Variants in GRIA1 observed in about 807,000 individuals in gnomAD.
GRIA1 encodes glutamate receptor 1.
A neutral mutation model predicts 99.2 loss-of-function variants in GRIA1; 31 were observed. The ratio of observed to expected loss-of-function variants is 0.31; its 90% CI spans 0.23 to 0.42. The LOEUF (loss-of-function observed/expected upper bound fraction) is 0.42, where lower values mean the gene tolerates loss of function less well. Among genes scored for constraint, GRIA1 ranks in the 10% least tolerant of loss-of-function variants. The pLI, the probability that GRIA1 is intolerant of heterozygous loss-of-function variation, is 1.00. For missense variants in GRIA1, 782 were observed against 1,157.5 expected (o/e 0.68, Z 4.71); for synonymous variants, 438 against 432.4 (o/e 1.01, Z -0.16).
chr5:153,603,965 G>A (rs762019837), intron 2 of GRIA1, among the ~76,000 whole-genome samples: 2 of 152,086 alleles, frequency 1.3e-5, no homozygotes, highest in Admixed American at 1.3e-4. Flanking sequence ...ACATATACAT[G>A]TATTTTACAT....
intron 5 of GRIA1, among the ~76,000 whole-genome samples, chr5:153,664,968 A>G (rs1325143906): frequency 6.6e-6 from 1 of 152,204 alleles, no homozygotes; most frequent in African/African-American, 2.4e-5. Context: ...GGGTAGATGC[A>G]ATTGGTTTTA....
Position 153,764,596 on chromosome 5 carries a change from G to A in GRIA1, c.1986G>A (p.Gly662=), listed in dbSNP as rs1019277131. Residue 662 remains glycine, a synonymous_variant, in exon 12 of 16, where the codon GGG becomes GGA. Transcript: ENST00000285900. The part of the protein sequence containing the change: ...DLAKQTEIAY[G]TLEAGSTKEF... ...CGAAGCAGACAGAAATTGCCTACGG[G>A]ACGCTGGAAGCAGGATCTACTAAGG... 7 of 1,613,926 alleles carry A rather than the reference G, an allele frequency of 4.3e-6. No individual in the cohort carries two copies. In the Admixed American group the frequency reaches 8.3e-5, roughly 19 times the overall value.
At chr5:153,509,328 A>G (rs1755833258) in intron 2 of GRIA1, among the ~76,000 whole-genome samples, 1 of 152,192 alleles carries the variant, frequency 6.6e-6, no homozygotes, top group African/African-American at 2.4e-5. Context: ...AAAGTAAAGT[A>G]TGGGGTAAAG....
At chr5:153,772,886 A>G (rs969213519) in intron 13 of GRIA1, among the ~76,000 whole-genome samples, 2 of 152,196 alleles carry the variant, frequency 1.3e-5, no homozygotes, top group Non-Finnish European at 2.9e-5. Flanking sequence ...ACATAAATAC[A>G]TGGATGTGAA....
At chr5:153,757,071 CAG>C (rs2149597671) in intron 11 of GRIA1, among the ~76,000 whole-genome samples, 1 of 151,958 alleles carries the variant, frequency 6.6e-6, no homozygotes, top group East Asian at 1.9e-4. Flanking sequence ...TAAGAAAACA[CAG>C]AGAAAAAATT....
chr5:153,501,355 C>G (rs1485750593), intron 2 of GRIA1, among the ~76,000 whole-genome samples: 1 of 152,256 alleles, frequency 6.6e-6, no homozygotes. Flanking sequence ...GGCCATGATT[C>G]TATGAAAGCA....
chr5:153,803,958 G>A (rs1766230670), intron 15 of GRIA1, among the ~76,000 whole-genome samples: 1 of 152,124 alleles, frequency 6.6e-6, no homozygotes, highest in Non-Finnish European at 1.5e-5. Flanking sequence ...GGGGCCTTCT[G>A]TCCTGGCATT....
At position 153,812,783 on chromosome 5, in the gene GRIA1, A is replaced by AT. The variant is rs1766908199; in HGVS notation, c.*1559dup. On this transcript the variant is annotated 3_prime_UTR_variant, in exon 16 of 16. Transcript: ENST00000285900. ...TCCCTGACATATAGCTTTCTTGGAG[A>AT]TCCCAACTCTCATTCTTGGTGCAAC... The AT allele has an allele frequency of 1.3e-5, 2 of 152,192 alleles. No individual in the cohort carries two copies. Among genetic ancestry groups the AT allele is most frequent in the South Asian group, 4.1e-4 (2 of 4,824 alleles). The allele number at this position is 152,192 out of a possible 1,614,324, so 9.4% of individuals were successfully genotyped here. A position where few individuals can be genotyped will look rare whatever the true frequency, so the allele number is the denominator to read the frequency against.
At chr5:153,566,698 T>A (rs1220095416) in intron 2 of GRIA1, among the ~76,000 whole-genome samples, 1 of 149,290 alleles carries the variant, frequency 6.7e-6, no homozygotes, top group African/African-American at 2.4e-5. Context: ...TTATCAGATA[T>A]ACATTTGCAA....
intron 2 of GRIA1, among the ~76,000 whole-genome samples, chr5:153,622,266 G>C (rs925709094): frequency 6.6e-6 from 1 of 152,142 alleles, no homozygotes; most frequent in African/African-American, 2.4e-5. Context: ...GATTATCCTT[G>C]GAGAGACCTA....
intron 13 of GRIA1, among the ~76,000 whole-genome samples, chr5:153,788,073 C>T (rs1765080820): frequency 8.2e-6 from 1 of 122,406 alleles, no homozygotes; most frequent in Non-Finnish European, 1.7e-5. Context: ...GAGCAAGACT[C>T]CTTCTCAAAA....
At chr5:153,559,457 C>T (rs934399678) in intron 2 of GRIA1, among the ~76,000 whole-genome samples, 2 of 152,126 alleles carry the variant, frequency 1.3e-5, no homozygotes, top group Non-Finnish European at 2.9e-5. Flanking sequence ...TGCTTAAAAC[C>T]TTGACTAGCT....
intron 11 of GRIA1, among the ~76,000 whole-genome samples, chr5:153,748,120 C>T (rs1581589827): frequency 6.6e-6 from 1 of 152,012 alleles, no homozygotes; most frequent in Admixed American, 6.6e-5. Context: ...AATGAATAAA[C>T]AAGTCAGTTG....
At chr5:153,742,104 A>T (rs1198280409) in intron 11 of GRIA1, among the ~76,000 whole-genome samples, 1 of 150,888 alleles carries the variant, frequency 6.6e-6, no homozygotes, top group Admixed American at 6.6e-5. Flanking sequence ...GCTAGGAAAG[A>T]TACGAAAAAA....
chr5:153,502,175 C>T (rs556217648), intron 2 of GRIA1, among the ~76,000 whole-genome samples: 1 of 152,284 alleles, frequency 6.6e-6, no homozygotes, highest in African/African-American at 2.4e-5. Context: ...CGCTTATCCC[C>T]AGGTTTTACT....
intron 2 of GRIA1, among the ~76,000 whole-genome samples, chr5:153,538,252 C>T (rs1581195833): frequency 6.6e-6 from 1 of 152,280 alleles, no homozygotes; most frequent in East Asian, 1.9e-4. Context: ...TCAGAAGTGA[C>T]TGCATTCTTA....
At chr5:153,506,022 C>T (rs1218601374) in intron 2 of GRIA1, among the ~76,000 whole-genome samples, 1 of 152,146 alleles carries the variant, frequency 6.6e-6, no homozygotes, top group African/African-American at 2.4e-5. Context: ...GAATCTTGGT[C>T]TAGGCAGAGG....
At chr5:153,747,711 A>C (rs1475676588) in intron 11 of GRIA1, among the ~76,000 whole-genome samples, 1 of 152,224 alleles carries the variant, frequency 6.6e-6, no homozygotes, top group Non-Finnish European at 1.5e-5. Context: ...GCTCAAAGCC[A>C]GCCTGCCCTG....
At chr5:153,636,395 C>G (rs1012709820) in intron 2 of GRIA1, among the ~76,000 whole-genome samples, 1 of 152,202 alleles carries the variant, frequency 6.6e-6, no homozygotes, top group African/African-American at 2.4e-5. Flanking sequence ...CTACAGCCCA[C>G]AGGCCAAAGC....
Sources: gnomAD v4.1 joint callset for allele counts (sites outside exome capture counted in the v4.1 genomes callset) on GRCh38, gnomAD v4.1.1 for gene constraint, MANE v1.5 for transcripts, NCBI Gene and HGNC (gene_info 2026-07-23, HGNC 2026-07-21) for gene names.